Variants in ANKRD11 observed in about 807,000 individuals in gnomAD.
ANKRD11 encodes the protein ankyrin repeat domain-containing protein 11.
A neutral mutation model predicts 195.7 loss-of-function variants in ANKRD11; 17 were observed. That is an observed-to-expected ratio of 0.09 (90% CI 0.06 to 0.13). ANKRD11 has a LOEUF of 0.13. ANKRD11 is among the 10% of genes least tolerant of loss of function. The pLI is 1.00. For missense variants in ANKRD11, 3,735 were observed against 3,566.1 expected, an observed-to-expected ratio of 1.05 and a Z score of -1.21; for synonymous variants, 1,953 against 1,528.1, an observed-to-expected ratio of 1.28 and a Z score of -6.49.
intron 2 of ANKRD11, among the ~76,000 whole-genome samples, chr16:89,396,331 G>A (rs529629344): frequency 1.3e-5 from 2 of 152,138 alleles, no homozygotes; most frequent in African/African-American, 4.8e-5. Context: ...GTCACCTCCA[G>A]ATGTGGACAC....
At position 89,455,948 on chromosome 16, in the gene ANKRD11, T is replaced by C. The variant is rs377647656; in HGVS notation, c.-145+34297A>G. Among the ~76,000 whole-genome samples, 7 of 152,034 alleles carry C rather than the reference T, an allele frequency of 4.6e-5. 1 individual carries two copies. The East Asian group carries it at 1.2e-3, about 25-fold the overall frequency. On this transcript the variant is annotated intron_variant, in intron 1 of 12. Transcript: ENST00000301030. Reference sequence around the variant, plus strand: ...CACAGCACTATTGAAAACAGAAAGGTGGAAACAGGTAGGGCGTGGTGGCTC... The same window carrying C: ...CACAGCACTATTGAAAACAGAAAGGCGGAAACAGGTAGGGCGTGGTGGCTC...
chr16:89,457,893 G>A lies in ANKRD11; in HGVS notation c.-145+32352C>T, dbSNP rs551444935. Among the ~76,000 whole-genome samples the A allele has an allele frequency of 1.6e-4, 24 of 152,188 alleles. No homozygotes were observed. The East Asian group carries it at 4.6e-3, about 29-fold the overall frequency. The stretch of plus-strand genomic sequence containing the variant: ...AAACACACAAGTGTGGAGCTGAATG[G>A]AGCCACGCGAACCAATACACAATCG... On this transcript the variant is annotated intron_variant, in intron 1 of 12. Coordinates refer to ENST00000301030, the MANE Select transcript of ANKRD11 (RefSeq NM_013275.6).
intron 12 of ANKRD11, among the ~76,000 whole-genome samples, chr16:89,269,267 C>T (rs958249805): frequency 1.3e-5 from 2 of 151,564 alleles, no homozygotes; most frequent in African/African-American, 2.4e-5. Context: ...GGGATCCTCC[C>T]TCCTCAACCT....
chr16:89,296,987 AG>A (rs1346970496), intron 4 of ANKRD11, among the ~76,000 whole-genome samples: 1 of 152,190 alleles, frequency 6.6e-6, no homozygotes, highest in Non-Finnish European at 1.5e-5. Flanking sequence ...CCCAGTGTCC[AG>A]GAAGTGTGGC....
At chr16:89,322,651 C>T (rs565459078) in intron 2 of ANKRD11, among the ~76,000 whole-genome samples, 40 of 152,258 alleles carry the variant, frequency 2.6e-4, no homozygotes, top group Non-Finnish European at 5.0e-4. Context: ...ACACCAAAGG[C>T]CTGTTTGCCT....
intron 1 of ANKRD11, among the ~76,000 whole-genome samples, chr16:89,455,187 A>G (rs112741481): frequency 6.6e-4 from 49 of 74,752 alleles, no homozygotes; most frequent in East Asian, 1.3e-3. Context: ...TGCTTCTAGC[A>G]TTCCTCAAGC....
chr16:89,281,203 G>A lies in ANKRD11; in HGVS notation c.5339C>T (p.Ala1780Val), dbSNP rs866609551. Reference protein sequence around the residue: ...GLSENASQAPARPLSTNLYRS... With the variant: ...GLSENASQAPVRPLSTNLYRS... ...GTAAAGGTTTGTGGAGAGAGGCCTG[G>A]CAGGAGCCTGGCTGGCGTTTTCCGA... Residue 1780 changes from alanine (A) to valine (V), a missense_variant, in exon 9 of 13, where the codon GCC becomes GTC. Coordinates refer to ENST00000301030, the MANE Select transcript of ANKRD11 (RefSeq NM_013275.6). The surrounding 1 kb of genome is among the most constrained non-coding windows in gnomAD (Gnocchi z 5.5). 9.3e-6 allele frequency: 15 copies of A among 1,614,090 alleles called. No homozygotes were observed. The highest frequency in any genetic ancestry group is 1.3e-5 in the Non-Finnish European group (15 of 1,180,044).
rs1423468464 is a variant in ANKRD11 at position 89,301,542 on chromosome 16, C to G, written c.226+3664G>C. The G allele has an allele frequency of 2.5e-5, 10 of 398,770 alleles. No individual in the cohort carries two copies. The East Asian group carries it at 3.2e-4, about 13-fold the overall frequency. 24.7% of individuals were successfully genotyped at this position (398,770 alleles called of 1,614,324 possible). ...GAGAGGGCTCGGTGGGCAGAGCTGT[C>G]TTGGGGCCGGGACATGGCAGGTGCC... is the stretch of plus-strand genomic sequence containing the variant. On this transcript the variant is annotated intron_variant, in intron 4 of 12. Coordinates refer to ENST00000301030, the MANE Select transcript of ANKRD11 (RefSeq NM_013275.6).
intron 3 of ANKRD11, among the ~76,000 whole-genome samples, chr16:89,309,295 G>A (rs935546024): frequency 7.9e-5 from 12 of 152,308 alleles, no homozygotes; most frequent in African/African-American, 2.9e-4. Flanking sequence ...AGACACTGTG[G>A]AGCAACTGAT....
rs1040338311 is a variant in ANKRD11 at position 89,284,971 on chromosome 16, G to A, written c.1571C>T (p.Ser524Leu). The change falls in exon 9 of 13, where the codon TCG becomes TTG. Residue 524 changes from serine to leucine, a missense_variant. By Grantham distance (145) the Ser-to-Leu change is moderately radical. Coordinates refer to ENST00000301030, the MANE Select transcript of ANKRD11 (RefSeq NM_013275.6). ...CTGGGCGGCAGAGCTCCCGTGAGACGAGGTGGAGGAGGCAGAGAGGGAGCT... is the reference window on the plus strand; with the variant it reads ...CTGGGCGGCAGAGCTCCCGTGAGACAAGGTGGAGGAGGCAGAGAGGGAGCT... ...LFSSLSASSTSSHGSSAAQKQ... is the reference protein window; with the variant it reads ...LFSSLSASSTLSHGSSAAQKQ... 9.3e-6 allele frequency: 15 copies of A among 1,613,980 alleles called. No homozygotes were observed. Among genetic ancestry groups the A allele is most frequent in the South Asian group, 7.7e-5 (7 of 91,080 alleles).
At chr16:89,351,836 G>A (rs972731489) in intron 2 of ANKRD11, among the ~76,000 whole-genome samples, 6 of 152,334 alleles carry the variant, frequency 3.9e-5, no homozygotes, top group South Asian at 2.1e-4. Flanking sequence ...GAACAGACCC[G>A]TGAATACACT....
rs869142504 is a variant in ANKRD11, at chr16:89,334,144, T to TAAAAAAAAAAAA, written c.-59-17078_-59-17067dup. Among the ~76,000 whole-genome samples, 29 of 41,416 alleles carry TAAAAAAAAAAAA rather than the reference T, an allele frequency of 7.0e-4. 3 individuals carry two copies. Among genetic ancestry groups the TAAAAAAAAAAAA allele is most frequent in the African/African-American group, 2.6e-3 (27 of 10,448 alleles). 27.2% of individuals were successfully genotyped at this position (41,416 alleles called of 152,430 possible). On this transcript the variant is annotated intron_variant, in intron 2 of 12. Coordinates refer to ENST00000301030, the MANE Select transcript of ANKRD11 (RefSeq NM_013275.6). ...GGTAACATGATGAAACCCTGTGTTT[T>TAAAAAAAAAAAA]AAAAAAAAAAAAAAAAAAAAAAAAA... is the stretch of plus-strand genomic sequence containing the variant.
intron 1 of ANKRD11, among the ~76,000 whole-genome samples, chr16:89,428,453 G>A (rs2042823007): frequency 1.3e-5 from 2 of 152,096 alleles, no homozygotes; most frequent in African/African-American, 4.8e-5. Flanking sequence ...GTGAACCTGG[G>A]AGGCGGAGCT....
In ANKRD11 at chr16:89,281,652, C is replaced by A; in HGVS notation, c.4890G>T (p.Gly1630=). The change falls in exon 9 of 13, where the codon GGG becomes GGT. Residue 1630 remains glycine, a synonymous_variant. Transcript: ENST00000301030. The surrounding 1 kb of genome is among the most constrained non-coding windows in gnomAD (Gnocchi z 5.5). ...LKEKAKPADD[G]RKKGLDIPAK... is the part of the protein sequence containing the mutation. ...CAGGAATGTCCAGACCCTTCTTCCG[C>A]CCGTCGTCTGCCGGCTTCGCCTTCT... 1 of 1,614,184 alleles carries A rather than the reference C, an allele frequency of 6.2e-7. No homozygotes were observed. The highest frequency in any genetic ancestry group is 8.5e-7 in the Non-Finnish European group (1 of 1,180,020).
chr16:89,346,018 G>C (rs918723), intron 2 of ANKRD11, among the ~76,000 whole-genome samples: 1,712 of 152,092 alleles, frequency 0.011, 9 homozygotes, highest in Middle Eastern at 0.027. Context: ...AAAGCAGGCG[G>C]ATCACTTGAG....
chr16:89,281,678 C>G lies in ANKRD11; in HGVS notation c.4864G>C (p.Glu1622Gln). 3 of 1,614,178 alleles carry G rather than the reference C, an allele frequency of 1.9e-6. No individual in the cohort carries two copies. Among genetic ancestry groups the G allele is most frequent in the Non-Finnish European group, 2.5e-6 (3 of 1,180,028 alleles). ...RHRSGDPKLK[E>Q]KAKPADDGRK... The stretch of plus-strand genomic sequence containing the variant: ...CCGTCGTCTGCCGGCTTCGCCTTCT[C>G]CTTGAGCTTGGGGTCTCCGGACCGG... Residue 1622 changes from glutamate to glutamine, a missense_variant, in exon 9 of 13, where the codon GAG becomes CAG. Coordinates refer to ENST00000301030, the MANE Select transcript of ANKRD11 (RefSeq NM_013275.6). The surrounding 1 kb of genome is among the most constrained non-coding windows in gnomAD (Gnocchi z 5.5).
At chr16:89,409,232 C>T (rs1436039810) in intron 2 of ANKRD11, among the ~76,000 whole-genome samples, 1 of 152,188 alleles carries the variant, frequency 6.6e-6, no homozygotes, top group Non-Finnish European at 1.5e-5. Context: ...CAATTCCACC[C>T]GCCTCCACAG....
chr16:89,323,769 C>T (rs533840648), intron 2 of ANKRD11: 5 of 255,198 alleles, frequency 2.0e-5, no homozygotes, highest in Admixed American at 5.3e-5. Context: ...TCCTCAGGGC[C>T]GCACCAGCTC....
chr16:89,280,685 G>A lies in ANKRD11; in HGVS notation c.5857C>T (p.Pro1953Ser), dbSNP rs767333781. 8.7e-6 allele frequency: 14 copies of A among 1,613,362 alleles called. No homozygotes were observed. The highest frequency in any genetic ancestry group is 2.2e-5 in the South Asian group (2 of 91,086). Residue 1953 changes from proline (P) to serine (S), a missense_variant, in exon 9 of 13, where the codon CCC becomes TCC. Coordinates refer to ENST00000301030, the MANE Select transcript of ANKRD11 (RefSeq NM_013275.6). Reference sequence around the variant, plus strand: ...CTAGAGGCAAGCGCCTGCTCGGAGGGGTGGGCCCACTCAACGGGCTCCTCG... The same window carrying A: ...CTAGAGGCAAGCGCCTGCTCGGAGGAGTGGGCCCACTCAACGGGCTCCTCG... Reference protein sequence around the residue: ...ITEEPVEWAHPSEQALASSLI... With the variant: ...ITEEPVEWAHSSEQALASSLI...
Sources: gnomAD v4.1 joint callset for allele counts (sites outside exome capture counted in the v4.1 genomes callset) on GRCh38, gnomAD v4.1.1 for gene constraint, Gnocchi (gnomAD v3.1) non-coding constraint, MANE v1.5 for transcripts, NCBI Gene and HGNC (gene_info 2026-07-23, HGNC 2026-07-21) for gene names.